The following PRRC2B variants were observed in gnomAD, a reference collection of about 807,000 sequenced individuals.
The protein encoded by PRRC2B is proline rich coiled-coil 2B.
In PRRC2B, 68 loss-of-function variants were observed where a neutral mutation model predicts 242.3. The observed-to-expected ratio is 0.28, with a 90% confidence interval of 0.23 to 0.34. PRRC2B has a LOEUF of 0.34. Among genes scored for constraint, PRRC2B ranks in the 10% least tolerant of loss-of-function variants. PRRC2B has a pLI of 1.00. For synonymous variants in PRRC2B, 1,228 were observed against 1,173.6 expected (o/e 1.05, Z -0.95); for missense variants, 2,835 against 2,954.8 (o/e 0.96, Z 0.94).
At chr9:131,399,770 T>G (rs1837178081) in intron 1 of PRRC2B, among the ~76,000 whole-genome samples, 1 of 152,202 alleles carries the variant, frequency 6.6e-6, no homozygotes, top group South Asian at 2.1e-4. Context: ...TTTTCCCCTT[T>G]TAATGTTATA....
At position 131,475,898 on chromosome 9, in the gene PRRC2B, C is replaced by T; in HGVS notation, c.3769C>T (p.Pro1257Ser). 4.3e-6 allele frequency: 7 copies of T among 1,613,906 alleles called. No homozygotes were observed. Among genetic ancestry groups the T allele is most frequent in the Non-Finnish European group, 5.9e-6 (7 of 1,179,850 alleles). Residue 1257 changes from proline (P) to serine (S), a missense_variant, in exon 16 of 32, where the codon CCA becomes TCA. Physicochemically the swap from Pro to Ser is moderately conservative, Grantham distance 74 (BLOSUM62 -1). Transcript: ENST00000683519. ...GCGACCTACAGACAGAGACTATGTCCCAGATTCCTACAGACACCCTGACGC... is the reference window on the plus strand; with the variant it reads ...GCGACCTACAGACAGAGACTATGTCTCAGATTCCTACAGACACCCTGACGC... ...SRRPTDRDYV[P>S]DSYRHPDAFG...
In PRRC2B at chr9:131,473,529, C is replaced by T. The variant is rs1277967726; in HGVS notation, c.2129C>T (p.Pro710Leu). Residue 710 changes from proline (P) to leucine (L), a missense_variant, in exon 15 of 32, where the codon CCC becomes CTC. By Grantham distance (98) the Pro-to-Leu change is moderately conservative. Around this residue, in one of 7 missense-constraint regions of PRRC2B, gnomAD observed 1,536 missense variants for 1,483.1 expected, o/e 1.04. Transcript: ENST00000683519. ...TCAGGACTGATGAAGCCCATGATGCCCCAGGAGTCCCTCAATGGGACAGGC... is the reference window on the plus strand; with the variant it reads ...TCAGGACTGATGAAGCCCATGATGCTCCAGGAGTCCCTCAATGGGACAGGC... ...HPSGLMKPMM[P>L]QESLNGTGCR... The T allele has an allele frequency of 1.7e-5, 28 of 1,603,968 alleles. No homozygotes were observed. The highest frequency in any genetic ancestry group is 2.3e-5 in the Non-Finnish European group (27 of 1,175,482).
intron 9 of PRRC2B, among the ~76,000 whole-genome samples, chr9:131,448,543 C>CGGG (rs1838883733): frequency 5.0e-5 from 2 of 39,870 alleles, no homozygotes; most frequent in Admixed American, 2.7e-4. Context: ...GACACTGTCT[C>CGGG]AAAAAAAAAA....
chr9:131,477,803 C>G lies in PRRC2B; in HGVS notation c.4466C>G (p.Ser1489Cys). ...GGCTGCAGCAGTGGGAGTGGCCACT[C>G]CCCCTATGCCCTGGAGCGGGCAGCC... The part of the protein sequence containing the change: ...LSGCSSGSGH[S>C]PYALERAAHA... The change falls in exon 17 of 32, where the codon TCC (serine) becomes TGC (cysteine). Residue 1489 changes from serine (S) to cysteine (C), a missense_variant. Ser to Cys is a moderately radical substitution (Grantham distance 112, BLOSUM62 -1). Around this residue, in one of 7 missense-constraint regions of PRRC2B, gnomAD observed 1,536 missense variants for 1,483.1 expected, o/e 1.04. Transcript: ENST00000683519. 4 of 1,612,242 alleles carry G rather than the reference C, an allele frequency of 2.5e-6. No homozygotes were observed. The highest frequency in any genetic ancestry group is 3.4e-6 in the Non-Finnish European group (4 of 1,179,150).
chr9:131,381,814 AC>A (rs1406857959), intron 1 of PRRC2B, among the ~76,000 whole-genome samples: 4 of 151,364 alleles, frequency 2.6e-5, no homozygotes, highest in African/African-American at 9.7e-5. Flanking sequence ...ATCCCAGCTC[AC>A]TGCAACCTCT....
In PRRC2B at chr9:131,491,714, C is replaced by G. The variant is rs531024926; in HGVS notation, c.6381+134C>G. On this transcript the variant is annotated intron_variant, in intron 29 of 31. Transcript: ENST00000683519. ...CTGCCAGGGCAGAAAGGAAGGTGAC[C>G]ATGTGTGGGGCCATCACAGAGGCAG... The G allele has an allele frequency of 2.4e-4, 207 of 853,606 alleles. 3 individuals are homozygous for G. Among genetic ancestry groups the G allele is most frequent in the South Asian group, 1.9e-3 (97 of 50,942 alleles). 52.9% of individuals were successfully genotyped at this position (853,606 alleles called of 1,614,324 possible).
intron 1 of PRRC2B, among the ~76,000 whole-genome samples, chr9:131,396,741 C>T (rs1186315097): frequency 6.6e-6 from 1 of 152,100 alleles, no homozygotes; most frequent in Admixed American, 6.6e-5. Context: ...ACCCATCTAC[C>T]TGGAAGCACC....
At chr9:131,409,569 A>G (rs1041005302) in intron 1 of PRRC2B, among the ~76,000 whole-genome samples, 4 of 152,170 alleles carry the variant, frequency 2.6e-5, no homozygotes, top group African/African-American at 9.7e-5. Flanking sequence ...GGTAACTCGC[A>G]TGCATTTCAG....
chr9:131,467,756 A>ATT lies in PRRC2B; in HGVS notation c.1911+3_1911+4insTT. 1 of 1,613,844 alleles carries ATT rather than the reference A, an allele frequency of 6.2e-7. No individual in the cohort carries two copies. The highest frequency in any genetic ancestry group is 8.5e-7 in the Non-Finnish European group (1 of 1,179,794). ...GCCAGCAGCAGCAACAACAGCAGGT[A>ATT]AACAGATGAGATGGTAAAAGACTGT... is the stretch of plus-strand genomic sequence containing the variant. On this transcript the variant is annotated splice_donor_region_variant and intron_variant, in intron 13 of 31. Coordinates refer to ENST00000683519, the MANE Select transcript of PRRC2B (RefSeq NM_013318.4).
chr9:131,387,293 G>A (rs1208390147), intron 1 of PRRC2B, among the ~76,000 whole-genome samples: 3 of 150,000 alleles, frequency 2.0e-5, no homozygotes, highest in African/African-American at 7.3e-5. Context: ...GAGCCACCGC[G>A]CCCGGCCACC....
chr9:131,444,139 T>G, intron 5 of PRRC2B, 46 bp from the exon 6 acceptor site: 1 of 1,609,624 alleles, frequency 6.2e-7, no homozygotes, highest in Non-Finnish European at 8.5e-7. Context: ...CAGACGACTG[T>G]TGACTCCATC....
At chr9:131,447,301 C>T (rs1293174891) in intron 8 of PRRC2B, 95 bp downstream of exon 8, 2 of 1,480,322 alleles carry the variant, frequency 1.4e-6, no homozygotes, top group Admixed American at 3.7e-5. Flanking sequence ...GCTGTGTCTC[C>T]TGGAGACCAC....
intron 1 of PRRC2B, among the ~76,000 whole-genome samples, chr9:131,410,311 G>A (rs369539047): frequency 3.3e-5 from 5 of 152,330 alleles, no homozygotes; most frequent in Middle Eastern, 3.4e-3. Flanking sequence ...GACTCTGGGG[G>A]TGTGGGATGC....
Position 131,458,106 on chromosome 9 carries a change from G to A in PRRC2B, c.1212-1058G>A, listed in dbSNP as rs7864900. The stretch of plus-strand genomic sequence containing the variant: ...CCAGCCACCCCTGCAGCTCTGTTTG[G>A]AACACCTCCTCCTTTTCCATGCTGT... On this transcript the variant is annotated intron_variant, in intron 10 of 31. Coordinates refer to ENST00000683519, the MANE Select transcript of PRRC2B (RefSeq NM_013318.4). 1.6e-3 allele frequency among the ~76,000 whole-genome samples: 242 copies of A among 151,864 alleles called. 1 individual carries two copies. The highest frequency in any genetic ancestry group is 5.6e-3 in the African/African-American group (234 of 41,416).
At chr9:131,430,514 G>GATAGATAGATATCTATCTATAGATATCT (rs1838111302) in intron 2 of PRRC2B, among the ~76,000 whole-genome samples, 1 of 17,312 alleles carries the variant, frequency 5.8e-5, no homozygotes, top group African/African-American at 1.4e-4. Context: ...GATATCTATA[G>GATAGATAGATATCTATCTATAGATATCT]ATAGATAGAT....
chr9:131,429,994 G>A (rs1277949228), intron 1 of PRRC2B, 100 bp from the exon 2 acceptor site: 8 of 609,524 alleles, frequency 1.3e-5, no homozygotes, highest in African/African-American at 3.7e-5. Context: ...TCCATGATTC[G>A]TGAAGGATTC....
chr9:131,383,605 T>A (rs1380384627), intron 1 of PRRC2B, among the ~76,000 whole-genome samples: 1 of 147,418 alleles, frequency 6.8e-6, no homozygotes, highest in East Asian at 2.0e-4. Context: ...TTTCTCTTTT[T>A]TTTTTTTTTT....
At chr9:131,394,463 C>CG (rs1836985114) in intron 1 of PRRC2B, among the ~76,000 whole-genome samples, 200 bp downstream of exon 1, 1 of 146,610 alleles carries the variant, frequency 6.8e-6, no homozygotes, top group Admixed American at 6.8e-5. Flanking sequence ...TGGGAGGCCG[C>CG]GGGGCCTGGG....
intron 1 of PRRC2B, among the ~76,000 whole-genome samples, chr9:131,421,584 T>G (rs149126556): frequency 3.3e-5 from 5 of 152,334 alleles, no homozygotes; most frequent in African/African-American, 1.2e-4. Flanking sequence ...CATTCCACCT[T>G]TCTCTCTCAC....
Sources: allele counts gnomAD v4.1 joint callset (sites outside exome capture counted in the v4.1 genomes callset), GRCh38; gene constraint gnomAD v4.1.1; regional missense constraint gnomAD v4.1.1; transcripts MANE v1.5; gene names NCBI Gene and HGNC (gene_info 2026-07-23, HGNC 2026-07-21).